Variants in FBXL2 observed in about 807,000 individuals in gnomAD.
The protein encoded by FBXL2 is F-box/LRR-repeat protein 2.
In FBXL2, 38 loss-of-function variants were observed where a neutral mutation model predicts 69.2. The ratio of observed to expected loss-of-function variants is 0.55; its 90% confidence interval spans 0.42 to 0.72. FBXL2 has a LOEUF of 0.72. Among genes scored for constraint, FBXL2 ranks in the 30% least tolerant of loss-of-function variants. The pLI is 0.00. For missense variants in FBXL2, 354 were observed against 520.3 expected (o/e 0.68, Z 3.11); for synonymous variants, 192 against 201.3 (o/e 0.95, Z 0.39).
chr3:33,365,907 C>T (rs1370126526), intron 5 of FBXL2, among the ~76,000 whole-genome samples: 2 of 152,084 alleles, frequency 1.3e-5, no homozygotes, highest in Admixed American at 1.3e-4. Context: ...TTCTTGCAGA[C>T]CTAAATATTA....
the FBXL2 span, among the ~76,000 whole-genome samples, chr3:33,421,580 A>G: frequency 0.044 from 6,736 of 152,298 alleles, 183 homozygotes; most frequent in Middle Eastern, 0.16. Context: ...TTAAACACAA[A>G]TAAGTTTTTA....
Position 33,359,022 on chromosome 3 carries a change from G to A in FBXL2, c.120+1G>A. The stretch of plus-strand genomic sequence containing the variant: ...GTGCCGATGTGCACAGATTTCCAAG[G>A]TAGAGTATTCACCAGATTTTTTAAT... On this transcript the variant is annotated splice_donor_variant, in intron 3 of 14. Coordinates refer to ENST00000484457, the MANE Select transcript of FBXL2 (RefSeq NM_012157.5). LOFTEE classifies it high-confidence loss of function. The A allele has an allele frequency of 6.5e-7, 1 of 1,535,320 alleles. No individual in the cohort carries two copies. The highest frequency in any genetic ancestry group is 1.4e-5 in the African/African-American group (1 of 73,196).
chr3:33,398,702 C>T (rs1331980070), intron 12 of FBXL2, among the ~76,000 whole-genome samples: 1 of 152,190 alleles, frequency 6.6e-6, no homozygotes, highest in Non-Finnish European at 1.5e-5. Context: ...GTGATCACTG[C>T]TCACAGCGAA....
chr3:33,346,513 C>T (rs962668196), intron 2 of FBXL2, among the ~76,000 whole-genome samples: 3 of 151,976 alleles, frequency 2.0e-5, no homozygotes, highest in Non-Finnish European at 4.4e-5. Context: ...GAGCTATGAT[C>T]ACCCCACTGT....
intron 2 of FBXL2, among the ~76,000 whole-genome samples, chr3:33,355,817 T>A (rs2041161447): frequency 6.6e-6 from 1 of 152,222 alleles, no homozygotes; most frequent in Non-Finnish European, 1.5e-5. Flanking sequence ...TTGCCACTCA[T>A]GTCGCTATCT....
chr3:33,383,947 A>T, intron 13 of FBXL2, 42 bp from the exon 14 acceptor site: 1 of 1,592,458 alleles, frequency 6.3e-7, no homozygotes, highest in Non-Finnish European at 8.6e-7. Context: ...GAGCCTTGGA[A>T]TAAGGGTCCT....
the FBXL2 span, among the ~76,000 whole-genome samples, chr3:33,418,492 C>T: frequency 1.9e-3 from 292 of 151,884 alleles, no homozygotes; most frequent in Middle Eastern, 3.4e-3. Flanking sequence ...CTCCTGACCT[C>T]GGGTGATTCA....
At chr3:33,408,060 G>A (rs1365218804), downstream of FBXL2, among the ~76,000 whole-genome samples, 1 of 152,086 alleles carries the variant, frequency 6.6e-6, no homozygotes, top group African/African-American at 2.4e-5. Flanking sequence ...ACACTACTTT[G>A]GCCTGAAGCA....
At chr3:33,417,393 G>A in the FBXL2 span, among the ~76,000 whole-genome samples, 1 of 151,886 alleles carries the variant, frequency 6.6e-6, no homozygotes, top group African/African-American at 2.4e-5. Flanking sequence ...ACAATATGTG[G>A]GTATTTGTGC....
chr3:33,402,860 GCT>G (rs1176416629), intron 12 of FBXL2: 2 of 1,610,388 alleles, frequency 1.2e-6, no homozygotes, highest in Non-Finnish European at 1.7e-6. Flanking sequence ...CTGGGGAAGG[GCT>G]GTTATTCACA....
In FBXL2 at chr3:33,401,099, G is replaced by T. The variant is rs796664220; in HGVS notation, n.1215-2135G>T. 2.6e-5 allele frequency: 34 copies of T among 1,318,858 alleles called. No individual in the cohort carries two copies. In the African/African-American group the frequency reaches 4.6e-4, roughly 18 times the overall value. The allele number at this position is 1,318,858 out of a possible 1,614,324, so 81.7% of individuals were successfully genotyped here. A position where few individuals can be genotyped will look rare whatever the true frequency, so the allele number is the denominator to read the frequency against. On this transcript the variant is annotated intron_variant and non_coding_transcript_variant, in intron 12 of 12. Coordinates refer to the FBXL2 transcript ENST00000463736. ...TCAAGGCATTAAAAGCTGTTGCATT[G>T]TAACTATGCAAATTTCAAGTAAGGC... is the stretch of plus-strand genomic sequence containing the variant.
chr3:33,422,484 A>G, the FBXL2 span, among the ~76,000 whole-genome samples: 1 of 152,198 alleles, frequency 6.6e-6, no homozygotes, highest in African/African-American at 2.4e-5. Context: ...TGGGAGGCCA[A>G]GGCAGGAAGA....
intron 1 of FBXL2, among the ~76,000 whole-genome samples, chr3:33,290,112 C>T (rs944706845): frequency 6.6e-6 from 1 of 152,190 alleles, no homozygotes; most frequent in Non-Finnish European, 1.5e-5. Flanking sequence ...GGGAAGATAT[C>T]TCACAGTTAA....
chr3:33,337,785 A>G (rs1025516994), intron 2 of FBXL2, among the ~76,000 whole-genome samples: 1 of 152,236 alleles, frequency 6.6e-6, no homozygotes, highest in African/African-American at 2.4e-5. Context: ...TACCAACTTA[A>G]TGTACAAAAG....
the FBXL2 span, chr3:33,416,927 T>G: frequency 9.4e-7 from 1 of 1,068,586 alleles, no homozygotes; most frequent in African/African-American, 1.6e-5. Context: ...AGAACATACA[T>G]TACACAATGA....
chr3:33,409,241 T>C, the FBXL2 span: 1 of 1,613,696 alleles, frequency 6.2e-7, no homozygotes, highest in East Asian at 2.2e-5. Context: ...ATTACCTCTG[T>C]GAGGATTGTG....
chr3:33,361,374 A>G (rs2041617102), intron 4 of FBXL2, among the ~76,000 whole-genome samples: 2 of 152,060 alleles, frequency 1.3e-5, no homozygotes, highest in Non-Finnish European at 2.9e-5. Context: ...AGCCAGGCAC[A>G]ATGGCACATG....
chr3:33,311,405 A>T (rs2037179884), intron 2 of FBXL2, among the ~76,000 whole-genome samples: 1 of 152,062 alleles, frequency 6.6e-6, no homozygotes, highest in South Asian at 2.1e-4. Flanking sequence ...CCACCCTCCT[A>T]TAATGGGTAT....
chr3:33,377,280 G>A lies in FBXL2; in HGVS notation c.796G>A (p.Glu266Lys). The change falls in exon 11 of 15, where the codon GAG becomes AAG. Residue 266 changes from glutamate to lysine, a missense_variant. Physicochemically the swap from Glu to Lys is moderately conservative, Grantham distance 56. Coordinates refer to ENST00000484457, the MANE Select transcript of FBXL2 (RefSeq NM_012157.5). ...TACCCACTTTCTCCTCAGAATTTTG[G>A]AGGCTGCCCGATGCTCCCATTTGAC... Reference protein sequence around the residue: ...GLNCPRLQILEAARCSHLTDA... With the variant: ...GLNCPRLQILKAARCSHLTDA... 1.2e-6 allele frequency: 2 copies of A among 1,614,092 alleles called. No individual in the cohort carries two copies. The highest frequency in any genetic ancestry group is 1.7e-6 in the Non-Finnish European group (2 of 1,179,988).
Sources: gnomAD v4.1 joint callset for allele counts (sites outside exome capture counted in the v4.1 genomes callset) on GRCh38, gnomAD v4.1.1 for gene constraint, MANE v1.5 for transcripts, NCBI Gene and HGNC (gene_info 2026-07-23, HGNC 2026-07-21) for gene names.